The following TAFA5 variants were observed in gnomAD, a reference collection of about 807,000 sequenced individuals.
TAFA5 encodes the protein chemokine-like protein TAFA-5.
TAFA5 carries 6 observed loss-of-function variants against 15.3 expected under a neutral mutation model. The ratio of observed to expected loss-of-function variants is 0.39; its 90% confidence interval spans 0.21 to 0.77. TAFA5 has a LOEUF of 0.77. Among genes scored for constraint, TAFA5 ranks in the 30% least tolerant of loss-of-function variants. The pLI is 0.41. For missense variants in TAFA5, 161 were observed against 193.1 expected, an observed-to-expected ratio of 0.83 and a Z score of 0.98; for synonymous variants, 103 against 80.7, an observed-to-expected ratio of 1.28 and a Z score of -1.48.
rs570647257 is a variant in TAFA5, at chr22:48,750,008, C to G, written c.*161C>G. ...AAGGACGGCCTCAGGCCTTGGCATC[C>G]TGAGCTTCGGTCTGTCCAGCCGACC... On this transcript the variant is annotated 3_prime_UTR_variant, in exon 4 of 4. Transcript: ENST00000402357. The G allele has an allele frequency of 2.8e-6, 2 of 718,860 alleles. No homozygotes were observed. Among genetic ancestry groups the G allele is most frequent in the East Asian group, 5.4e-5 (2 of 37,038 alleles). The allele number at this position is 718,860 out of a possible 1,614,324, so 44.5% of individuals were successfully genotyped here. A position where few individuals can be genotyped will look rare whatever the true frequency, so the allele number is the denominator to read the frequency against.
chr22:48,542,246 ATG>A (rs1186714402), intron 1 of TAFA5, among the ~76,000 whole-genome samples: 4 of 88,562 alleles, frequency 4.5e-5, no homozygotes, highest in South Asian at 3.8e-4. Context: ...GTGTGTGCAT[ATG>A]TGTGTGTATG....
rs192385675 is a variant in TAFA5, at chr22:48,713,037, A to C, written c.390+5193A>C. ...CGTTTTTGTAGTGTTTATGTATTGC[A>C]AGATACTTGTCAGTGAGCTGTGCCA... On this transcript the variant is annotated intron_variant, in intron 3 of 3. Transcript: ENST00000402357. Among the ~76,000 whole-genome samples the C allele has an allele frequency of 2.2e-3, 341 of 152,346 alleles. 1 individual carries two copies. Among genetic ancestry groups the C allele is most frequent in the African/African-American group, 7.2e-3 (299 of 41,586 alleles).
intron 1 of TAFA5, among the ~76,000 whole-genome samples, chr22:48,605,420 ATGGTGGTGGTGGTGG>A (rs201199287): frequency 8.8e-6 from 1 of 113,298 alleles, no homozygotes; most frequent in African/African-American, 3.1e-5. Context: ...GATGGTGAGG[ATGGTGGTGGTGGTGG>A]TGGTGGTGGT....
At chr22:48,519,913 C>T (rs1921545154) in intron 1 of TAFA5, among the ~76,000 whole-genome samples, 1 of 152,242 alleles carries the variant, frequency 6.6e-6, no homozygotes, top group South Asian at 2.1e-4. Flanking sequence ...TTCATGTCCC[C>T]TGGAACCTCA....
rs1461881482 is a variant in TAFA5 at position 48,751,813 on chromosome 22, C to T, written c.*1966C>T. On this transcript the variant is annotated 3_prime_UTR_variant, in exon 4 of 4. Coordinates refer to ENST00000402357, the MANE Select transcript of TAFA5 (RefSeq NM_001082967.3). ...TTTTGAAAGCAAGTGTAGACACCTT[C>T]GAGGGCAGAGATCGGGAGATTTAAG... is the stretch of plus-strand genomic sequence containing the variant. 1 of 152,524 alleles carries T rather than the reference C, an allele frequency of 6.6e-6. No homozygotes were observed. The highest frequency in any genetic ancestry group is 1.5e-5 in the Non-Finnish European group (1 of 68,044). The allele number at this position is 152,524 out of a possible 1,614,324, so 9.4% of individuals were successfully genotyped here.
rs753118962 is a variant in TAFA5 at position 48,550,494 on chromosome 22, C to T, written c.112+60790C>T. 1.1e-4 allele frequency among the ~76,000 whole-genome samples: 17 copies of T among 152,188 alleles called. No homozygotes were observed. The highest frequency in any genetic ancestry group is 1.9e-4 in the East Asian group (1 of 5,176). On this transcript the variant is annotated intron_variant, in intron 1 of 3. Coordinates refer to ENST00000402357, the MANE Select transcript of TAFA5 (RefSeq NM_001082967.3). The surrounding 1 kb of genome is among the most constrained non-coding windows in gnomAD (Gnocchi z 4.1). Reference sequence around the variant, plus strand: ...CCAGATGTGAGGGCTTTGACCCCCACGGAGCCAGGTGCCCCTGGGAAATGC... The same window carrying T: ...CCAGATGTGAGGGCTTTGACCCCCATGGAGCCAGGTGCCCCTGGGAAATGC...
At chr22:48,569,288 C>A (rs2147137264) in intron 1 of TAFA5, among the ~76,000 whole-genome samples, 1 of 152,292 alleles carries the variant, frequency 6.6e-6, no homozygotes, top group East Asian at 1.9e-4. Context: ...GAGGTGGGTG[C>A]AGTCATGGAA....
At chr22:48,574,490 C>T (rs1389113877) in intron 1 of TAFA5, among the ~76,000 whole-genome samples, 1 of 152,152 alleles carries the variant, frequency 6.6e-6, no homozygotes, top group Non-Finnish European at 1.5e-5. Flanking sequence ...CAGATGCATA[C>T]TGATTGCCTT....
chr22:48,738,569 T>G (rs186794315), intron 3 of TAFA5, among the ~76,000 whole-genome samples: 4 of 152,294 alleles, frequency 2.6e-5, no homozygotes, highest in Non-Finnish European at 5.9e-5. Flanking sequence ...CTCACCCCAG[T>G]GAGGAGTGAT....
At chr22:48,508,335 C>A (rs552064569) in intron 1 of TAFA5, among the ~76,000 whole-genome samples, 3 of 152,196 alleles carry the variant, frequency 2.0e-5, no homozygotes, top group Non-Finnish European at 4.4e-5. Context: ...GGGCTGCCGC[C>A]CCCCCAGAGC....
At chr22:48,542,536 GGTGTGTGTGTGATGTGT>G (rs1922469242) in intron 1 of TAFA5, among the ~76,000 whole-genome samples, 1 of 110,778 alleles carries the variant, frequency 9.0e-6, no homozygotes, top group Non-Finnish European at 1.8e-5. Context: ...TGTGGTGTGT[GGTGTGTGTGTGATGTGT>G]ATGTGTGTGT....
intron 1 of TAFA5, chr22:48,543,343 T>C (rs2147121762): frequency 6.6e-6 from 1 of 152,272 alleles, no homozygotes; most frequent in South Asian, 2.1e-4. Context: ...TCGTAAAGTG[T>C]AATCACGGCA....
chr22:48,585,180 G>A (rs143892735), intron 1 of TAFA5, among the ~76,000 whole-genome samples: 118 of 142,134 alleles, frequency 8.3e-4, no homozygotes, highest in African/African-American at 2.7e-3. Flanking sequence ...ACGACACACT[G>A]TGCACACATA....
intron 2 of TAFA5, chr22:48,693,472 T>C (rs1928605739): frequency 6.3e-7 from 1 of 1,580,500 alleles, no homozygotes; most frequent in South Asian, 1.2e-5. Flanking sequence ...GACTCAACCA[T>C]GGGTAGATGA....
chr22:48,535,694 G>A (rs1043176251), intron 1 of TAFA5, among the ~76,000 whole-genome samples: 2 of 150,680 alleles, frequency 1.3e-5, no homozygotes, highest in African/African-American at 4.9e-5. Context: ...ATATGTAGGT[G>A]CAAGAATGCT....
chr22:48,553,002 C>T (rs1217837719), intron 1 of TAFA5, among the ~76,000 whole-genome samples: 1 of 152,154 alleles, frequency 6.6e-6, no homozygotes, highest in Non-Finnish European at 1.5e-5. Flanking sequence ...ATTGGTCTGC[C>T]TACTGCTCAT....
rs949135889 is a variant in TAFA5 at position 48,530,880 on chromosome 22, A to T, written c.112+41176A>T. ...GGGGAGAAATGTCCCTCGGGTTCCA[A>T]ATGAAAGTGGCTGAGATGTCACAGT... On this transcript the variant is annotated intron_variant, in intron 1 of 3. Transcript: ENST00000402357. The surrounding 1 kb of genome is among the most constrained non-coding windows in gnomAD (Gnocchi z 6.0). Among the ~76,000 whole-genome samples, 1 of 152,110 alleles carries T rather than the reference A, an allele frequency of 6.6e-6. No homozygotes were observed. The highest frequency in any genetic ancestry group is 1.5e-5 in the Non-Finnish European group (1 of 68,018).
rs1194589586 is a variant in TAFA5 at position 48,552,500 on chromosome 22, G to A, written c.112+62796G>A. 6.6e-6 allele frequency among the ~76,000 whole-genome samples: 1 copy of A among 152,146 alleles called. No homozygotes were observed. The highest frequency in any genetic ancestry group is 6.5e-5 in the Admixed American group (1 of 15,280). ...CTCTCGGGGTCCTGCAGGCCACGAGGTGGGCAGCCTGCTCTCCTTGGGTCA... is the reference window on the plus strand; with the variant it reads ...CTCTCGGGGTCCTGCAGGCCACGAGATGGGCAGCCTGCTCTCCTTGGGTCA... On this transcript the variant is annotated intron_variant, in intron 1 of 3. Transcript: ENST00000402357. The surrounding 1 kb of genome is among the most constrained non-coding windows in gnomAD (Gnocchi z 4.1).
At chr22:48,621,337 C>T in intron 1 of TAFA5, among the ~76,000 whole-genome samples, 1 of 151,500 alleles carries the variant, frequency 6.6e-6, no homozygotes, top group Non-Finnish European at 1.5e-5. Context: ...CATCATCCAT[C>T]CCTGCTTCCA....
Sources: gnomAD v4.1 joint callset for allele counts (sites outside exome capture counted in the v4.1 genomes callset) on GRCh38, gnomAD v4.1.1 for gene constraint, Gnocchi (gnomAD v3.1) non-coding constraint, MANE v1.5 for transcripts, NCBI Gene and HGNC (gene_info 2026-07-23, HGNC 2026-07-21) for gene names.